HSD17B4: variants seen among roughly 807,000 people sequenced by gnomAD.
The protein encoded by HSD17B4 is hydroxysteroid 17-beta dehydrogenase 4, also known as peroxisomal multifunctional enzyme type 2.
Under a neutral mutation model 101.0 loss-of-function variants are expected in HSD17B4, and 70 were observed. That is an observed-to-expected ratio of 0.69 (90% CI 0.57 to 0.85). The LOEUF (loss-of-function observed/expected upper bound fraction) is 0.85. HSD17B4 is among the 40% of genes least tolerant of loss of function. HSD17B4 has a pLI of 0.00. For missense variants in HSD17B4, 984 were observed against 892.4 expected, an observed-to-expected ratio of 1.10 and a Z score of -1.31; for synonymous variants, 347 against 297.1, an observed-to-expected ratio of 1.17 and a Z score of -1.73.
At chr5:119,508,774 C>T (rs772718028) in intron 15 of HSD17B4, among the ~76,000 whole-genome samples, 1 of 152,170 alleles carries the variant, frequency 6.6e-6, no homozygotes, top group Non-Finnish European at 1.5e-5. Flanking sequence ...ACTGCTTTGG[C>T]AGAATGTTTG....
At chr5:119,482,684 T>A (rs1749247183) in intron 8 of HSD17B4, among the ~76,000 whole-genome samples, 1 of 152,156 alleles carries the variant, frequency 6.6e-6, no homozygotes, top group Non-Finnish European at 1.5e-5. Context: ...CTTGTTTTTT[T>A]ATACTCTGTT....
At chr5:119,468,761 C>T (rs1350398547) in intron 2 of HSD17B4, among the ~76,000 whole-genome samples, 11 of 151,652 alleles carry the variant, frequency 7.3e-5, no homozygotes, top group Non-Finnish European at 1.0e-4. Flanking sequence ...AATGGTGTCC[C>T]ATTACTACCA....
intron 2 of HSD17B4, among the ~76,000 whole-genome samples, chr5:119,467,770 G>T (rs963362093): frequency 6.6e-6 from 1 of 152,194 alleles, no homozygotes; most frequent in African/African-American, 2.4e-5. Flanking sequence ...CCAACTTCAG[G>T]ACTTGAGTAG....
Position 119,541,282 on chromosome 5 carries a change from TAACACGCAC to T in HSD17B4, c.2122-618_2122-610del, listed in dbSNP as rs552247742. On this transcript the variant is annotated intron_variant, in intron 23 of 23. Transcript: ENST00000510025. ...TAAGCACTCTACACATTACTTTATTTAACACGCACAACAGAGTTGTGTTATTTAGGGACT... is the reference window on the plus strand; with the variant it reads ...TAAGCACTCTACACATTACTTTATTTAACAGAGTTGTGTTATTTAGGGACT... Among the ~76,000 whole-genome samples, 213 of 152,308 alleles carry T rather than the reference TAACACGCAC, an allele frequency of 1.4e-3. 5 individuals are homozygous for T. The South Asian group carries it at 0.042, about 30-fold the overall frequency.
intron 2 of HSD17B4, among the ~76,000 whole-genome samples, chr5:119,468,183 C>T (rs1467852894): frequency 2.0e-5 from 3 of 151,778 alleles, no homozygotes; most frequent in Admixed American, 6.6e-5. Flanking sequence ...TTCTCTTTCT[C>T]ATTTGTGTAT....
rs1580632368 is a variant in HSD17B4 at position 119,502,231 on chromosome 5, A to G, written c.1261+139A>G. On this transcript the variant is annotated intron_variant, in intron 14 of 23. Coordinates refer to ENST00000510025, the MANE Select transcript of HSD17B4 (RefSeq NM_000414.4). Reference sequence around the variant, plus strand: ...AATTGTTATGCACATGTGAGCCATTAGAGTAGACTGATGTTAACTAGTATC... The same window carrying G: ...AATTGTTATGCACATGTGAGCCATTGGAGTAGACTGATGTTAACTAGTATC... The G allele has an allele frequency of 2.0e-5, 13 of 657,546 alleles. No individual in the cohort carries two copies. The South Asian group carries it at 2.3e-4, about 12-fold the overall frequency. The allele number at this position is 657,546 out of a possible 1,614,324, so 40.7% of individuals were successfully genotyped here. A position where few individuals can be genotyped will look rare whatever the true frequency, so the allele number is the denominator to read the frequency against.
At chr5:119,503,171 G>T (rs1751342354) in intron 14 of HSD17B4, among the ~76,000 whole-genome samples, 1 of 150,356 alleles carries the variant, frequency 6.7e-6, no homozygotes, top group Non-Finnish European at 1.5e-5. Flanking sequence ...TGGCTAGGAA[G>T]CTCCTTACAT....
chr5:119,529,799 A>C (rs1753899782), intron 20 of HSD17B4, 95 bp from the exon 21 acceptor site: 1 of 769,024 alleles, frequency 1.3e-6, no homozygotes, highest in Non-Finnish European at 2.3e-6. Context: ...CATATGAGGC[A>C]AAAATAATAA....
At chr5:119,462,146 C>A (rs1329396959) in intron 2 of HSD17B4, among the ~76,000 whole-genome samples, 1 of 151,668 alleles carries the variant, frequency 6.6e-6, no homozygotes, top group African/African-American at 2.4e-5. Context: ...AGACTTGACC[C>A]TTGACTATCA....
At chr5:119,525,355 C>A in intron 18 of HSD17B4, 70 bp downstream of exon 18, 1 of 936,550 alleles carries the variant, frequency 1.1e-6, no homozygotes, top group Non-Finnish European at 1.8e-6. Context: ...AATGTAAAGA[C>A]ACTACTACTT....
chr5:119,510,391 A>G (rs1752062958), intron 16 of HSD17B4, among the ~76,000 whole-genome samples: 1 of 152,188 alleles, frequency 6.6e-6, no homozygotes, highest in South Asian at 2.1e-4. Context: ...CTAGAAACAT[A>G]TTTTTCCTAA....
Position 119,477,512 on chromosome 5 carries a change from A to G in HSD17B4, c.434+11A>G. On this transcript the variant is annotated intron_variant, in intron 7 of 23. Coordinates refer to ENST00000510025, the MANE Select transcript of HSD17B4 (RefSeq NM_000414.4). ...ACAGAAGTATGGAAGGTAGAGTTGC[A>G]TGTGGTTGTCAAGGGGGATTTAAGA... The G allele has an allele frequency of 6.3e-7, 1 of 1,592,702 alleles. No individual in the cohort carries two copies. Among genetic ancestry groups the G allele is most frequent in the Non-Finnish European group, 8.6e-7 (1 of 1,160,630 alleles).
In HSD17B4 at chr5:119,463,622, AT is replaced by A. The variant is rs1385609882; in HGVS notation, c.112+7260del. 6.4e-5 allele frequency among the ~76,000 whole-genome samples: 5 copies of A among 77,586 alleles called. No individual in the cohort carries two copies. In the Admixed American group the frequency reaches 6.6e-4, roughly 10 times the overall value. 50.9% of individuals were successfully genotyped at this position (77,586 alleles called of 152,430 possible). On this transcript the variant is annotated intron_variant, in intron 2 of 23. Coordinates refer to ENST00000510025, the MANE Select transcript of HSD17B4 (RefSeq NM_000414.4). ...TTCCTCATGATTAGTGATGTTGAAC[AT>A]TTTTTCATATACTTCTTGGCCATTT...
intron 20 of HSD17B4, among the ~76,000 whole-genome samples, chr5:119,528,789 A>G (rs2126886076): frequency 6.6e-6 from 1 of 152,220 alleles, no homozygotes; most frequent in East Asian, 1.9e-4. Context: ...ATTTTGTTAA[A>G]TTCTAAGCAT....
chr5:119,456,311 T>G lies in HSD17B4; in HGVS notation c.59-4T>G, dbSNP rs868120508. On this transcript the variant is annotated splice_region_variant and splice_polypyrimidine_tract_variant and intron_variant, in intron 1 of 23. Transcript: ENST00000510025. ...AACTTTCTGATTATTTTGTTTTTGA[T>G]TAGGATTGGGCCGAGCCTATGCCCT... 6.2e-7 allele frequency: 1 copy of G among 1,605,934 alleles called. No homozygotes were observed. Among genetic ancestry groups the G allele is most frequent in the Middle Eastern group, 1.7e-4 (1 of 6,052 alleles).
chr5:119,502,431 T>G (rs907226583), intron 14 of HSD17B4, among the ~76,000 whole-genome samples: 2 of 152,166 alleles, frequency 1.3e-5, no homozygotes, highest in African/African-American at 4.8e-5. Context: ...TTTTCTCAGG[T>G]ATTTATCTTT....
intron 2 of HSD17B4, 57 bp downstream of exon 2, chr5:119,456,425 A>G (rs1427536752): frequency 3.0e-6 from 3 of 1,006,902 alleles, no homozygotes; most frequent in Non-Finnish European, 3.2e-6. Context: ...TACAATCTTT[A>G]CAAGCTATCT....
At chr5:119,477,349 C>G in intron 6 of HSD17B4, 68 bp from the exon 7 acceptor site, 1 of 1,047,790 alleles carries the variant, frequency 9.5e-7, no homozygotes, top group East Asian at 2.6e-5. Flanking sequence ...TACAACATTG[C>G]TTATGTTGAT....
At chr5:119,531,456 A>T in intron 22 of HSD17B4, 52 bp downstream of exon 22, 1 of 1,551,988 alleles carries the variant, frequency 6.4e-7, no homozygotes, top group Non-Finnish European at 8.9e-7. Flanking sequence ...TTAGTAAATA[A>T]AGTATCTTTT....
Sources: allele counts gnomAD v4.1 joint callset (sites outside exome capture counted in the v4.1 genomes callset), GRCh38; gene constraint gnomAD v4.1.1; transcripts MANE v1.5; gene names NCBI Gene and HGNC (gene_info 2026-07-23, HGNC 2026-07-21).